LRPPRC: variants seen among roughly 807,000 people sequenced by gnomAD.
The protein encoded by LRPPRC is leucine rich pentatricopeptide repeat containing, also known as leucine-rich PPR motif-containing protein, mitochondrial.
A neutral mutation model predicts 180.3 loss-of-function variants in LRPPRC; 120 were observed. That is an observed-to-expected ratio of 0.67 (90% CI 0.57 to 0.77). LRPPRC has a LOEUF of 0.77. Among genes scored for constraint, LRPPRC ranks in the 30% least tolerant of loss-of-function variants. The pLI is 0.00. For synonymous variants in LRPPRC, 723 were observed against 600.0 expected, an observed-to-expected ratio of 1.21 and a Z score of -3.00; for missense variants, 2,012 against 1,657.2, an observed-to-expected ratio of 1.21 and a Z score of -3.72.
At chr2:43,956,101 T>C (rs1282590251) in intron 14 of LRPPRC, among the ~76,000 whole-genome samples, 1 of 145,694 alleles carries the variant, frequency 6.9e-6, no homozygotes, top group East Asian at 2.0e-4. Context: ...AAATACAAAA[T>C]GTAGAAGAGA....
chr2:43,950,305 G>T lies in LRPPRC; in HGVS notation c.1677+268C>A, dbSNP rs188878884. Among the ~76,000 whole-genome samples the T allele has an allele frequency of 2.3e-3, 347 of 152,052 alleles. 1 individual carries two copies. The highest frequency in any genetic ancestry group is 3.9e-3 in the Non-Finnish European group (267 of 67,986). ...TAAACGTGTGCCATGGTGGTCGGCT[G>T]CACAGATCATCCCATCACCCAGGTA... is the stretch of plus-strand genomic sequence containing the variant. On this transcript the variant is annotated intron_variant, in intron 15 of 37. Transcript: ENST00000260665.
intron 27 of LRPPRC, among the ~76,000 whole-genome samples, chr2:43,923,307 C>T (rs924980329): frequency 2.0e-5 from 3 of 151,592 alleles, no homozygotes; most frequent in Admixed American, 6.6e-5. Context: ...AGTGGGACCC[C>T]GTCTCCACAA....
At position 43,889,883 on chromosome 2, in the gene LRPPRC, TAAAG is replaced by T. The variant is rs764564351; in HGVS notation, c.3986-11_3986-8del. 2 of 1,597,764 alleles carry T rather than the reference TAAAG, an allele frequency of 1.3e-6. No individual in the cohort carries two copies. Among genetic ancestry groups the T allele is most frequent in the South Asian group, 1.1e-5 (1 of 90,712 alleles). On this transcript the variant is annotated splice_region_variant and splice_polypyrimidine_tract_variant and intron_variant, in intron 36 of 37. Coordinates refer to ENST00000260665, the MANE Select transcript of LRPPRC (RefSeq NM_133259.4). ...GTGACATCTTTCTCTGAGACTGACA[TAAAG>T]AAAAAAATATATTAATCAGAGATAA...
chr2:43,977,510 TA>T (rs1268468025), intron 3 of LRPPRC, among the ~76,000 whole-genome samples: 2 of 152,156 alleles, frequency 1.3e-5, no homozygotes, highest in African/African-American at 2.4e-5. Flanking sequence ...ATTCGGATAT[TA>T]AAAGGCCTCT....
At chr2:43,988,582 T>C (rs1231625735) in intron 1 of LRPPRC, among the ~76,000 whole-genome samples, 1 of 151,992 alleles carries the variant, frequency 6.6e-6, no homozygotes, top group Admixed American at 6.5e-5. Flanking sequence ...AATAGCTGTC[T>C]TATTATAGAA....
rs1272951732 is a variant in LRPPRC, at chr2:43,969,141, A to G, written c.1369+4466T>C. On this transcript the variant is annotated intron_variant, in intron 11 of 37. Coordinates refer to ENST00000260665, the MANE Select transcript of LRPPRC (RefSeq NM_133259.4). The stretch of plus-strand genomic sequence containing the variant: ...AGAAACCAAGTCTCAGTCCGGGCGC[A>G]GAGGCTCACGCCTGTAATCCCAGCA... Among the ~76,000 whole-genome samples, 4 of 152,214 alleles carry G rather than the reference A, an allele frequency of 2.6e-5. No homozygotes were observed. In the East Asian group the frequency reaches 7.7e-4, roughly 29 times the overall value.
intron 27 of LRPPRC, among the ~76,000 whole-genome samples, chr2:43,920,079 T>A (rs4518009): frequency 0.23 from 18,329 of 79,252 alleles, 1,848 homozygotes; most frequent in African/African-American, 0.35. Flanking sequence ...ATCAGCAATT[T>A]AAAAAAAAAA....
chr2:43,959,914 G>A (rs1431517352), intron 13 of LRPPRC, among the ~76,000 whole-genome samples: 1 of 152,020 alleles, frequency 6.6e-6, no homozygotes, highest in Non-Finnish European at 1.5e-5. Flanking sequence ...AAAATAAAGT[G>A]CAGTATGGTG....
At chr2:43,892,829 T>C (rs1426387154) in intron 36 of LRPPRC, 2 of 152,068 alleles carry the variant, frequency 1.3e-5, no homozygotes, top group Admixed American at 1.3e-4. Context: ...ACATGTTTCA[T>C]AAGGCTATAG....
chr2:43,934,521 C>G (rs1313305741), intron 24 of LRPPRC, among the ~76,000 whole-genome samples: 3 of 151,642 alleles, frequency 2.0e-5, no homozygotes, highest in Non-Finnish European at 2.9e-5. Flanking sequence ...GGCAGATCAC[C>G]AAGAATTAGA....
At chr2:43,974,351 G>A (rs1365231145) in intron 8 of LRPPRC, 56 bp from the exon 9 acceptor site, 2 of 1,274,332 alleles carry the variant, frequency 1.6e-6, no homozygotes, top group Non-Finnish European at 2.3e-6. Flanking sequence ...TTTTTACACT[G>A]CAACCAATGT....
chr2:43,912,299 CAT>C, intron 30 of LRPPRC, 131 bp downstream of exon 30: 1 of 758,168 alleles, frequency 1.3e-6, no homozygotes, highest in South Asian at 1.6e-5. Context: ...TTAACCATTT[CAT>C]ATGATTTTTA....
Position 43,977,152 on chromosome 2 carries a change from T to C in LRPPRC, c.591+3A>G, listed in dbSNP as rs1221360193. On this transcript the variant is annotated splice_donor_region_variant and intron_variant, in intron 4 of 37. Transcript: ENST00000260665. ...AAATATATTCACAATAGCAACTACTTACTCGATTTGGTTGAATGTTTGCTT... is the reference window on the plus strand; with the variant it reads ...AAATATATTCACAATAGCAACTACTCACTCGATTTGGTTGAATGTTTGCTT... The C allele has an allele frequency of 1.4e-5, 22 of 1,611,620 alleles. No individual in the cohort carries two copies. The highest frequency in any genetic ancestry group is 1.9e-5 in the Non-Finnish European group (22 of 1,177,948).
intron 29 of LRPPRC, among the ~76,000 whole-genome samples, chr2:43,914,817 C>T (rs1424454100): frequency 6.6e-6 from 1 of 152,036 alleles, no homozygotes; most frequent in Non-Finnish European, 1.5e-5. Flanking sequence ...ATTTATAATA[C>T]ACACTGCATT....
chr2:43,974,173 G>A lies in LRPPRC; in HGVS notation c.1132C>T (p.Gln378Ter). The A allele has an allele frequency of 6.2e-7, 1 of 1,613,822 alleles. No homozygotes were observed. The highest frequency in any genetic ancestry group is 8.5e-7 in the Non-Finnish European group (1 of 1,179,722). ...ACCGTATTCATAGTCACACAGTGTT[G>A]TAAAAAGAAACTGCCAAAGACACTT... Reference protein sequence around the residue: ...GPSVFGSFFLQHCVTMNTPVE... With the variant: ...GPSVFGSFFL The change falls in exon 9 of 38, where the codon CAA becomes TAA. Residue 378 changes from glutamine to a stop codon, truncating the protein, a stop_gained. Transcript: ENST00000260665. LOFTEE classifies it high-confidence loss of function.
intron 18 of LRPPRC, 65 bp from the exon 19 acceptor site, chr2:43,947,840 C>T (rs1206126356): frequency 9.4e-7 from 1 of 1,062,360 alleles, no homozygotes; most frequent in South Asian, 1.3e-5. Context: ...CAGCAAACAT[C>T]AAAAGCAAAT....
chr2:43,906,379 A>G lies in LRPPRC; in HGVS notation c.3276-599T>C, dbSNP rs76665945. ...CACACAACCATCTTGCCCTAGCTTA[A>G]GTTTGAAACAAAACACCAACTTTTA... On this transcript the variant is annotated intron_variant, in intron 30 of 37. Transcript: ENST00000260665. 9.2e-3 allele frequency among the ~76,000 whole-genome samples: 1,398 copies of G among 152,330 alleles called. 21 individuals carry two copies. Among genetic ancestry groups the G allele is most frequent in the African/African-American group, 0.032 (1,320 of 41,574 alleles).
At chr2:43,913,629 GCAA>G (rs942556664) in intron 29 of LRPPRC, among the ~76,000 whole-genome samples, 2 of 152,068 alleles carry the variant, frequency 1.3e-5, no homozygotes, top group African/African-American at 4.8e-5. Context: ...AAAATATACG[GCAA>G]CATTTATATT....
intron 12 of LRPPRC, among the ~76,000 whole-genome samples, chr2:43,962,038 A>C (rs578048541): frequency 7.2e-5 from 11 of 152,362 alleles, no homozygotes; most frequent in African/African-American, 2.6e-4. Context: ...TTTCAATCCC[A>C]AAACACTCAA....
Sources: gnomAD v4.1 joint callset for allele counts (sites outside exome capture counted in the v4.1 genomes callset) on GRCh38, gnomAD v4.1.1 for gene constraint, MANE v1.5 for transcripts, NCBI Gene and HGNC (gene_info 2026-07-23, HGNC 2026-07-21) for gene names.